The following HIVEP1 variants were observed in gnomAD, a reference collection of about 807,000 sequenced individuals.
The protein encoded by HIVEP1 is HIVEP zinc finger 1, also known as zinc finger protein 40.
HIVEP1 carries 36 observed loss-of-function variants against 180.0 expected under a neutral mutation model. The observed-to-expected ratio is 0.20, with a 90% confidence interval of 0.15 to 0.26. The LOEUF is 0.26. Ranked by LOEUF, HIVEP1 falls within the 10% of genes least tolerant of loss-of-function variation. The pLI is 1.00. For missense variants in HIVEP1, 3,143 were observed against 3,268.7 expected (o/e 0.96, Z 0.94); for synonymous variants, 1,239 against 1,239.0 (o/e 1.00, Z 0.00).
intron 2 of HIVEP1, among the ~76,000 whole-genome samples, chr6:12,056,869 C>G (rs950772601): frequency 1.4e-4 from 21 of 150,858 alleles, no homozygotes; most frequent in African/African-American, 4.9e-4. Context: ...CAGAATCTTG[C>G]TTTGTTACCC....
the HIVEP1 span, among the ~76,000 whole-genome samples, chr6:12,210,212 A>G: frequency 8.5e-5 from 13 of 152,236 alleles, no homozygotes; most frequent in Admixed American, 3.3e-4. Flanking sequence ...TCAGCCAACC[A>G]GGGAAGGAAT....
At position 12,031,388 on chromosome 6, in the gene HIVEP1, T is replaced by C. The variant is rs539112271; in HGVS notation, c.40+15720T>C. On this transcript the variant is annotated intron_variant, in intron 2 of 8. Transcript: ENST00000379388. ...CATGTGGAGAGTTTACCCAGCACAC[T>C]GTAAGTGGCTCACCTACCAGAACTC... Among the ~76,000 whole-genome samples the C allele has an allele frequency of 3.9e-5, 6 of 152,320 alleles. No individual in the cohort carries two copies. The South Asian group carries it at 1.0e-3, about 26-fold the overall frequency.
At chr6:12,012,054 G>A (rs1767363546), upstream of HIVEP1, 1 of 144,794 alleles carries the variant, frequency 6.9e-6, no homozygotes, top group Admixed American at 6.8e-5. Context: ...CCGGGGGAGA[G>A]GTAAAGCCCG....
At chr6:12,044,469 C>G (rs1226193448) in intron 2 of HIVEP1, among the ~76,000 whole-genome samples, 1 of 152,146 alleles carries the variant, frequency 6.6e-6, no homozygotes, top group East Asian at 1.9e-4. Flanking sequence ...TAACGCCCCT[C>G]AAAGCAGTCA....
intron 4 of HIVEP1, among the ~76,000 whole-genome samples, chr6:12,127,607 T>C (rs1337080456): frequency 1.3e-5 from 2 of 152,160 alleles, no homozygotes; most frequent in Non-Finnish European, 2.9e-5. Flanking sequence ...AGAGATTCTT[T>C]AGTGCATAGG....
At chr6:12,034,116 G>A (rs1470457835) in intron 2 of HIVEP1, among the ~76,000 whole-genome samples, 1 of 152,218 alleles carries the variant, frequency 6.6e-6, no homozygotes, top group Non-Finnish European at 1.5e-5. Context: ...CAGAATTGCT[G>A]TAGTTAAATA....
At chr6:12,102,133 A>G (rs920213058) in intron 3 of HIVEP1, among the ~76,000 whole-genome samples, 1 of 152,130 alleles carries the variant, frequency 6.6e-6, no homozygotes, top group Non-Finnish European at 1.5e-5. Flanking sequence ...GGAGAAATAG[A>G]CAATTCAACA....
chr6:12,175,894 G>T, the HIVEP1 span, among the ~76,000 whole-genome samples: 1 of 152,124 alleles, frequency 6.6e-6, no homozygotes, highest in African/African-American at 2.4e-5. Flanking sequence ...CTTTATTCTT[G>T]GTGCAACCTA....
At chr6:12,026,246 G>A (rs1768579582) in intron 2 of HIVEP1, among the ~76,000 whole-genome samples, 1 of 152,208 alleles carries the variant, frequency 6.6e-6, no homozygotes, top group Non-Finnish European at 1.5e-5. Flanking sequence ...AGGCTAGTAT[G>A]TGCAGTATGG....
the HIVEP1 span, among the ~76,000 whole-genome samples, chr6:12,170,694 T>C: frequency 0.14 from 21,084 of 152,126 alleles, 2,709 homozygotes; most frequent in African/African-American, 0.34. Context: ...TGGTTGGATT[T>C]AAGGATGATT....
chr6:12,191,601 A>C, the HIVEP1 span, among the ~76,000 whole-genome samples: 1 of 152,174 alleles, frequency 6.6e-6, no homozygotes, highest in African/African-American at 2.4e-5. Flanking sequence ...TAAAAAAAAT[A>C]AAAATAAAAA....
At chr6:12,019,462 G>A (rs574785276) in intron 2 of HIVEP1, among the ~76,000 whole-genome samples, 1 of 152,292 alleles carries the variant, frequency 6.6e-6, no homozygotes, top group Admixed American at 6.5e-5. Context: ...GTGATCCACT[G>A]CTTTGCTTTA....
chr6:12,124,847 T>C lies in HIVEP1; in HGVS notation c.5052T>C (p.Asn1684=). The part of the protein sequence containing the change: ...HSVVPISEEQ[N]SVPTLQKGHQ... Reference sequence around the variant, plus strand: ...TAGTGCCAATCAGTGAAGAACAAAATTCTGTGCCAACATTACAAAAAGGTC... The same window carrying C: ...TAGTGCCAATCAGTGAAGAACAAAACTCTGTGCCAACATTACAAAAAGGTC... The change falls in exon 4 of 9, where the codon AAT becomes AAC. Residue 1684 remains asparagine, a synonymous_variant. Transcript: ENST00000379388. The C allele has an allele frequency of 6.2e-7, 1 of 1,614,206 alleles. No homozygotes were observed. The highest frequency in any genetic ancestry group is 8.5e-7 in the Non-Finnish European group (1 of 1,180,032).
intron 2 of HIVEP1, among the ~76,000 whole-genome samples, chr6:12,065,119 A>G (rs1351267148): frequency 2.0e-5 from 3 of 152,216 alleles, no homozygotes; most frequent in African/African-American, 7.2e-5. Flanking sequence ...GAACTAGGTA[A>G]AGGTCTGTGC....
downstream of HIVEP1, among the ~76,000 whole-genome samples, chr6:12,166,480 G>A (rs1432086627): frequency 2.6e-5 from 4 of 152,044 alleles, no homozygotes; most frequent in South Asian, 6.2e-4. Context: ...TCAATGCATC[G>A]TGCAAATACC....
At chr6:12,054,258 A>G (rs546832533) in intron 2 of HIVEP1, among the ~76,000 whole-genome samples, 2 of 152,318 alleles carry the variant, frequency 1.3e-5, no homozygotes, top group African/African-American at 4.8e-5. Context: ...GGTATGAAAA[A>G]CAGTATATAG....
chr6:12,081,081 A>G (rs1772758229), intron 2 of HIVEP1, among the ~76,000 whole-genome samples: 1 of 151,978 alleles, frequency 6.6e-6, no homozygotes, highest in Non-Finnish European at 1.5e-5. Context: ...CATCCTGTAT[A>G]TTTGGTCCAT....
chr6:12,185,907 A>G, the HIVEP1 span, among the ~76,000 whole-genome samples: 1 of 152,238 alleles, frequency 6.6e-6, no homozygotes, highest in Non-Finnish European at 1.5e-5. Flanking sequence ...TTATACAAAA[A>G]TTTATCATTC....
the HIVEP1 span, among the ~76,000 whole-genome samples, chr6:12,192,002 C>T: frequency 6.6e-6 from 1 of 152,152 alleles, no homozygotes; most frequent in Non-Finnish European, 1.5e-5. Flanking sequence ...GAACCAGGAT[C>T]TCAGTCCTCT....
Sources: allele counts gnomAD v4.1 joint callset (sites outside exome capture counted in the v4.1 genomes callset), GRCh38; gene constraint gnomAD v4.1.1; transcripts MANE v1.5; gene names NCBI Gene and HGNC (gene_info 2026-07-23, HGNC 2026-07-21).